ITGB6: variants seen among roughly 807,000 people sequenced by gnomAD.
ITGB6 encodes integrin subunit beta 6.
Under a neutral mutation model 84.5 loss-of-function variants are expected in ITGB6, and 80 were observed. The observed-to-expected ratio is 0.95, with a 90% CI of 0.79 to 1.14. ITGB6 has a LOEUF of 1.14. ITGB6 is among the 50% of genes most tolerant of loss of function. The pLI, the probability that ITGB6 is intolerant of heterozygous loss-of-function variation, is 0.00. For synonymous variants in ITGB6, 383 were observed against 354.9 expected (o/e 1.08, Z -0.89); for missense variants, 1,006 against 968.0 (o/e 1.04, Z -0.52).
chr2:160,188,429 C>A (rs981674147), intron 4 of ITGB6, among the ~76,000 whole-genome samples: 4 of 152,042 alleles, frequency 2.6e-5, no homozygotes, highest in African/African-American at 9.7e-5. Flanking sequence ...ACATATTGAA[C>A]CTTTTAAGAG....
At chr2:160,120,364 G>T (rs1226119732) in intron 12 of ITGB6, among the ~76,000 whole-genome samples, 8 of 62,816 alleles carry the variant, frequency 1.3e-4, no homozygotes, top group Admixed American at 4.3e-4. Flanking sequence ...CATGTCCTTT[G>T]TAGGGACATG....
At chr2:160,118,784 A>T (rs938229788) in intron 12 of ITGB6, among the ~76,000 whole-genome samples, 79 of 152,084 alleles carry the variant, frequency 5.2e-4, no homozygotes, top group Middle Eastern at 3.4e-3. Context: ...TCAGCCCAAA[A>T]TCTCCTTAAG....
At chr2:160,110,072 G>A (rs1262019300) in intron 13 of ITGB6, among the ~76,000 whole-genome samples, 1 of 152,120 alleles carries the variant, frequency 6.6e-6, no homozygotes, top group Non-Finnish European at 1.5e-5. Flanking sequence ...AGTTCTGTCG[G>A]ATGATGCTGA....
At chr2:160,151,247 CT>C (rs1232601410) in intron 7 of ITGB6, among the ~76,000 whole-genome samples, 3 of 152,208 alleles carry the variant, frequency 2.0e-5, no homozygotes, top group African/African-American at 7.2e-5. Flanking sequence ...TGAACTGTCT[CT>C]CATACCACAG....
intron 11 of ITGB6, among the ~76,000 whole-genome samples, chr2:160,124,663 A>G (rs952081717): frequency 1.3e-5 from 2 of 152,206 alleles, no homozygotes; most frequent in African/African-American, 4.8e-5. Context: ...TACTGTGGAC[A>G]CACATGCTGT....
At chr2:160,182,324 A>C (rs994152413) in intron 4 of ITGB6, among the ~76,000 whole-genome samples, 1 of 152,222 alleles carries the variant, frequency 6.6e-6, no homozygotes, top group Non-Finnish European at 1.5e-5. Context: ...TGAGAAACAC[A>C]GCACGAGAAC....
At chr2:160,186,574 A>G (rs1685906984) in intron 4 of ITGB6, among the ~76,000 whole-genome samples, 1 of 152,218 alleles carries the variant, frequency 6.6e-6, no homozygotes, top group Non-Finnish European at 1.5e-5. Context: ...TCAAGGATCT[A>G]GAACCAGAAA....
intron 13 of ITGB6, among the ~76,000 whole-genome samples, chr2:160,108,613 T>C (rs1697003152): frequency 6.6e-6 from 1 of 152,190 alleles, no homozygotes; most frequent in Non-Finnish European, 1.5e-5. Flanking sequence ...TGAACTGTTC[T>C]TGCTTACTAA....
At chr2:160,159,721 C>T (rs1684750641) in intron 7 of ITGB6, among the ~76,000 whole-genome samples, 1 of 152,154 alleles carries the variant, frequency 6.6e-6, no homozygotes, top group South Asian at 2.1e-4. Context: ...AACTCCTCAG[C>T]CTTCAGCTCG....
chr2:160,147,746 A>C (rs1159219720), intron 7 of ITGB6, among the ~76,000 whole-genome samples: 1 of 152,174 alleles, frequency 6.6e-6, no homozygotes, highest in Non-Finnish European at 1.5e-5. Context: ...TTTTCAACAA[A>C]CGGTGCTTGA....
chr2:160,155,505 C>G (rs1684591796), intron 7 of ITGB6, among the ~76,000 whole-genome samples: 1 of 152,114 alleles, frequency 6.6e-6, no homozygotes, highest in East Asian at 1.9e-4. Flanking sequence ...GACACATGTA[C>G]TACCGTGGTG....
chr2:160,180,260 GA>G (rs1685612979), intron 4 of ITGB6, among the ~76,000 whole-genome samples: 1 of 152,176 alleles, frequency 6.6e-6, no homozygotes, highest in South Asian at 2.1e-4. Flanking sequence ...TCCATCCACT[GA>G]AAATAAATGA....
intron 4 of ITGB6, among the ~76,000 whole-genome samples, chr2:160,188,085 A>C (rs768458728): frequency 9.2e-5 from 14 of 152,188 alleles, no homozygotes; most frequent in Non-Finnish European, 1.6e-4. Flanking sequence ...AGGTAATGAG[A>C]CTGAGCTCAA....
chr2:160,175,429 C>T lies in ITGB6; in HGVS notation c.594-1290G>A, dbSNP rs144049960. Reference sequence around the variant, plus strand: ...AAAAAAACCCAAAACAAAGCATCTCCCTATATGCACATTCCCAACTGGAAT... The same window carrying T: ...AAAAAAACCCAAAACAAAGCATCTCTCTATATGCACATTCCCAACTGGAAT... On this transcript the variant is annotated intron_variant, in intron 4 of 14. Transcript: ENST00000283249. Among the ~76,000 whole-genome samples, 44 of 152,312 alleles carry T rather than the reference C, an allele frequency of 2.9e-4. 1 individual carries two copies. In the South Asian group the frequency reaches 5.6e-3, roughly 19 times the overall value.
chr2:160,188,069 G>A (rs762883474), intron 4 of ITGB6, among the ~76,000 whole-genome samples: 16 of 152,104 alleles, frequency 1.1e-4, no homozygotes, highest in Non-Finnish European at 1.8e-4. Context: ...TATTATTCCC[G>A]TTTATAGGTA....
At chr2:160,131,138 T>C (rs765526920) in intron 10 of ITGB6, among the ~76,000 whole-genome samples, 3 of 152,130 alleles carry the variant, frequency 2.0e-5, no homozygotes, top group Non-Finnish European at 2.9e-5. Flanking sequence ...TAACCAAAGA[T>C]CAAGAAAAAA....
At chr2:160,194,588 C>T (rs562329630) in intron 4 of ITGB6, among the ~76,000 whole-genome samples, 2 of 152,222 alleles carry the variant, frequency 1.3e-5, no homozygotes, top group East Asian at 3.9e-4. Flanking sequence ...CTAGCTTTAA[C>T]CTGCTGTTTA....
At chr2:160,112,565 A>G (rs1446719215) in intron 12 of ITGB6, among the ~76,000 whole-genome samples, 1 of 152,172 alleles carries the variant, frequency 6.6e-6, no homozygotes, top group Non-Finnish European at 1.5e-5. Context: ...AGCATGAAGG[A>G]TGTCTAGATT....
chr2:160,175,297 A>T (rs754064543), intron 4 of ITGB6, among the ~76,000 whole-genome samples: 13 of 152,208 alleles, frequency 8.5e-5, no homozygotes, highest in Admixed American at 2.6e-4. Flanking sequence ...TATATTTGTG[A>T]ATTCACCTAG....
Sources: allele counts gnomAD v4.1 joint callset (sites outside exome capture counted in the v4.1 genomes callset), GRCh38; gene constraint gnomAD v4.1.1; transcripts MANE v1.5; gene names NCBI Gene and HGNC (gene_info 2026-07-23, HGNC 2026-07-21).